LAMTOR1: variants seen among roughly 807,000 people sequenced by gnomAD.
LAMTOR1 encodes ragulator complex protein LAMTOR1.
A neutral mutation model predicts 20.5 loss-of-function variants in LAMTOR1; 8 were observed. That is an observed-to-expected ratio of 0.39 (90% CI 0.23 to 0.70). The LOEUF (loss-of-function observed/expected upper bound fraction) is 0.70. Among genes scored for constraint, LAMTOR1 ranks in the 30% least tolerant of loss-of-function variants. The pLI is 0.43. For missense variants in LAMTOR1, 135 were observed against 206.2 expected, an observed-to-expected ratio of 0.65 and a Z score of 2.11; for synonymous variants, 77 against 80.9, an observed-to-expected ratio of 0.95 and a Z score of 0.26.
chr11:72,100,307 AG>A (rs1945392389), intron 1 of LAMTOR1, among the ~76,000 whole-genome samples: 1 of 152,144 alleles, frequency 6.6e-6, no homozygotes, highest in African/African-American at 2.4e-5. Flanking sequence ...AAACCACCTG[AG>A]TAGCCCATGT....
chr11:72,097,816 C>T lies in LAMTOR1; in HGVS notation c.*6G>A, dbSNP rs1945282547. The stretch of plus-strand genomic sequence containing the variant: ...GAGGAGAAGAGCTGTCCAAGGACCC[C>T]TCTCTTCATGGGATCCCAAACTGTA... On this transcript the variant is annotated 3_prime_UTR_variant, in exon 5 of 5. Coordinates refer to ENST00000278671, the MANE Select transcript of LAMTOR1 (RefSeq NM_017907.3). The T allele has an allele frequency of 6.2e-7, 1 of 1,614,052 alleles. No individual in the cohort carries two copies. The highest frequency in any genetic ancestry group is 8.5e-7 in the Non-Finnish European group (1 of 1,179,986).
Position 72,097,749 on chromosome 11 carries a change from G to A in LAMTOR1, c.*73C>T. 6.2e-7 allele frequency: 1 copy of A among 1,612,462 alleles called. No individual in the cohort carries two copies. The highest frequency in any genetic ancestry group is 8.5e-7 in the Non-Finnish European group (1 of 1,179,604). On this transcript the variant is annotated 3_prime_UTR_variant, in exon 5 of 5. Transcript: ENST00000278671. ...GTTAGGGTACTGTATAAGCCGCAGT[G>A]AGGCTGGGGGCCAAGGGGGTGGGGT...
chr11:72,103,052 TCTGTCCCCTCCAGGCCTCCGTATTCA>T (rs1056008639), intron 1 of LAMTOR1, 105 bp downstream of exon 1: 18 of 1,228,164 alleles, frequency 1.5e-5, no homozygotes, highest in Non-Finnish European at 2.1e-5. Context: ...TCCTCTGTAA[TCTGTCCCCTCCAGGCCTCCGTATTCA>T]GTGAGCCCTG....
In LAMTOR1 at chr11:72,103,290, G is replaced by A. The variant is rs891259810; in HGVS notation, c.-66C>T. The A allele has an allele frequency of 5.2e-5, 80 of 1,528,330 alleles. No individual in the cohort carries two copies. Among genetic ancestry groups the A allele is most frequent in the South Asian group, 7.4e-5 (6 of 81,406 alleles). 94.7% of individuals were successfully genotyped at this position (1,528,330 alleles called of 1,614,324 possible). A position where few individuals can be genotyped will look rare whatever the true frequency, so the allele number is the denominator to read the frequency against. Reference sequence around the variant, plus strand: ...GACGGCGTCCGTGAGGAGCCCTTCCGGTCACATGACCCGCGGCGGCCTCCC... The same window carrying A: ...GACGGCGTCCGTGAGGAGCCCTTCCAGTCACATGACCCGCGGCGGCCTCCC... On this transcript the variant is annotated 5_prime_UTR_variant, in exon 1 of 5. Transcript: ENST00000278671.
At chr11:72,098,989 A>G in intron 2 of LAMTOR1, 122 bp downstream of exon 2, 2 of 1,427,630 alleles carry the variant, frequency 1.4e-6, no homozygotes, top group East Asian at 2.3e-5. Context: ...AGGGCTGGAC[A>G]TGGAGGCACC....
intron 1 of LAMTOR1, among the ~76,000 whole-genome samples, chr11:72,101,645 G>C (rs1007810842): frequency 2.0e-5 from 3 of 152,150 alleles, no homozygotes; most frequent in African/African-American, 7.2e-5. Context: ...AGTCGGAGAG[G>C]GGCCTGCCCA....
intron 4 of LAMTOR1, 152 bp from the exon 5 acceptor site, chr11:72,098,066 A>G (rs920834551): frequency 2.8e-6 from 3 of 1,080,168 alleles, no homozygotes; most frequent in Non-Finnish European, 4.0e-6. Flanking sequence ...GGAGAGACAG[A>G]AGGAAAAGAA....
rs1265644308 is a variant in LAMTOR1, at chr11:72,097,530, ACC to A, written c.*290_*291del. 3.4e-6 allele frequency: 4 copies of A among 1,179,842 alleles called. No homozygotes were observed. The highest frequency in any genetic ancestry group is 4.2e-6 in the Non-Finnish European group (4 of 945,962). The allele number at this position is 1,179,842 out of a possible 1,614,324, so 73.1% of individuals were successfully genotyped here. On this transcript the variant is annotated 3_prime_UTR_variant, in exon 5 of 5. Transcript: ENST00000278671. Reference sequence around the variant, plus strand: ...GATCTCCCTAGGTCCCCTGGTGATCACCCCCCACCCAAACTGGTATCTCCACA... The same window carrying A: ...GATCTCCCTAGGTCCCCTGGTGATCACCCCACCCAAACTGGTATCTCCACA...
intron 1 of LAMTOR1, among the ~76,000 whole-genome samples, chr11:72,102,054 G>C (rs547939049): frequency 1.3e-5 from 2 of 152,320 alleles, no homozygotes; most frequent in Admixed American, 1.3e-4. Context: ...TGGGTGTATG[G>C]AGAATTGAGA....
intron 1 of LAMTOR1, among the ~76,000 whole-genome samples, chr11:72,100,326 C>G (rs971108830): frequency 6.6e-6 from 1 of 152,180 alleles, no homozygotes; most frequent in African/African-American, 2.4e-5. Context: ...TGTAAATTTT[C>G]AGCAGCCCTG....
chr11:72,098,257 G>A, intron 4 of LAMTOR1, 32 bp downstream of exon 4: 2 of 1,612,780 alleles, frequency 1.2e-6, no homozygotes, highest in Non-Finnish European at 1.7e-6. Context: ...AGTGTGAGAA[G>A]GGTGGGCAGG....
chr11:72,103,085 C>T, intron 1 of LAMTOR1, 98 bp downstream of exon 1: 2 of 1,447,330 alleles, frequency 1.4e-6, no homozygotes, highest in East Asian at 2.5e-5. Flanking sequence ...TTCAGTGAGC[C>T]CTGCAGTCCG....
intron 1 of LAMTOR1, among the ~76,000 whole-genome samples, chr11:72,102,857 G>A (rs1337272495): frequency 6.6e-6 from 1 of 152,220 alleles, no homozygotes; most frequent in Non-Finnish European, 1.5e-5. Context: ...GAAGACACAG[G>A]AAGCTGGGGA....
Position 72,098,833 on chromosome 11 carries a change from C to T in LAMTOR1, c.214G>A (p.Asp72Asn). 1 of 1,551,042 alleles carries T rather than the reference C, an allele frequency of 6.4e-7. No homozygotes were observed. Among genetic ancestry groups the T allele is most frequent in the Non-Finnish European group, 8.7e-7 (1 of 1,146,656 alleles). The change falls in exon 3 of 5, where the codon GAC (aspartate) becomes AAC (asparagine). Residue 72 changes from aspartate to asparagine, a missense_variant. By Grantham distance (23) the Asp-to-Asn change is conservative (BLOSUM62 1). Coordinates refer to ENST00000278671, the MANE Select transcript of LAMTOR1 (RefSeq NM_017907.3). ...ASNIIDVSAA[D>N]SQGMEQHEYM... Reference sequence around the variant, plus strand: ...TCATGCTGCTCCATGCCCTGTGAGTCTGCAGCAGACACATCAATGATGTTG... The same window carrying T: ...TCATGCTGCTCCATGCCCTGTGAGTTTGCAGCAGACACATCAATGATGTTG...
At chr11:72,102,625 A>G (rs1380737899) in intron 1 of LAMTOR1, among the ~76,000 whole-genome samples, 1 of 152,150 alleles carries the variant, frequency 6.6e-6, no homozygotes, top group African/African-American at 2.4e-5. Context: ...AATTTCCCAC[A>G]TGTCCCGATG....
rs920167258 is a variant in LAMTOR1, at chr11:72,099,012, C to T, written c.188+99G>A. 5 of 1,511,850 alleles carry T rather than the reference C, an allele frequency of 3.3e-6. No individual in the cohort carries two copies. In the African/African-American group the frequency reaches 4.1e-5, roughly 12 times the overall value. 93.7% of individuals were successfully genotyped at this position (1,511,850 alleles called of 1,614,324 possible). A position where few individuals can be genotyped will look rare whatever the true frequency, so the allele number is the denominator to read the frequency against. ...ACATGGAGGCACCTCTCCCCAGTGA[C>T]CTTGTCCCATCCCCCATGTCCTGAG... On this transcript the variant is annotated intron_variant, in intron 2 of 4. Coordinates refer to ENST00000278671, the MANE Select transcript of LAMTOR1 (RefSeq NM_017907.3).
intron 3 of LAMTOR1, 36 bp downstream of exon 3, chr11:72,098,745 A>C (rs1461491461): frequency 2.1e-6 from 3 of 1,452,628 alleles, no homozygotes; most frequent in South Asian, 2.7e-5. Context: ...TGGGAGCCCA[A>C]GTAGCCTGAG....
At position 72,103,190 on chromosome 11, in the gene LAMTOR1, G is replaced by A. The variant is rs1426610613; in HGVS notation, c.35C>T (p.Ser12Leu). Residue 12 changes from serine (S) to leucine (L), a missense_variant, in exon 1 of 5, where the codon TCG (serine) becomes TTG (leucine). Ser to Leu is a moderately radical substitution (Grantham distance 145). Coordinates refer to ENST00000278671, the MANE Select transcript of LAMTOR1 (RefSeq NM_017907.3). ...CGCCTGCCGCGGCCGCACCTGGTCCGAGTCCTCGTTCTCGCTGCTGTAGCA... is the reference window on the plus strand; with the variant it reads ...CGCCTGCCGCGGCCGCACCTGGTCCAAGTCCTCGTTCTCGCTGCTGTAGCA... ...GCCYSSENED[S>L]DQDREERKLL... 18 of 1,586,068 alleles carry A rather than the reference G, an allele frequency of 1.1e-5. No individual in the cohort carries two copies. Among genetic ancestry groups the A allele is most frequent in the Admixed American group, 1.8e-5 (1 of 56,520 alleles).
At position 72,097,744 on chromosome 11, in the gene LAMTOR1, G is replaced by A. The variant is rs575886595; in HGVS notation, c.*78C>T. 76 of 1,611,300 alleles carry A rather than the reference G, an allele frequency of 4.7e-5. No individual in the cohort carries two copies. Among genetic ancestry groups the A allele is most frequent in the African/African-American group, 9.3e-5 (7 of 74,886 alleles). On this transcript the variant is annotated 3_prime_UTR_variant, in exon 5 of 5. Transcript: ENST00000278671. ...AGCAGGTTAGGGTACTGTATAAGCC[G>A]CAGTGAGGCTGGGGGCCAAGGGGGT...
Sources: gnomAD v4.1 joint callset for allele counts (sites outside exome capture counted in the v4.1 genomes callset) on GRCh38, gnomAD v4.1.1 for gene constraint, MANE v1.5 for transcripts, NCBI Gene and HGNC (gene_info 2026-07-23, HGNC 2026-07-21) for gene names.